The following LGR5 variants were observed in gnomAD, a reference collection of about 807,000 sequenced individuals.
LGR5 encodes the protein leucine rich repeat containing G protein-coupled receptor 5, also known as leucine-rich repeat-containing G protein-coupled receptor 5.
A neutral mutation model predicts 76.7 loss-of-function variants in LGR5; 54 were observed. The observed-to-expected ratio is 0.70, with a 90% CI of 0.57 to 0.88. The LOEUF (loss-of-function observed/expected upper bound fraction) is 0.88, where lower values mean the gene tolerates loss of function less well. LGR5 is among the 40% of genes least tolerant of loss of function. The probability of loss-of-function intolerance (pLI) is 0.00; values close to 1 mark genes in which losing one functional copy is unlikely to be tolerated. For missense variants in LGR5, 1,078 were observed against 1,073.3 expected (o/e 1.00, Z -0.06); for synonymous variants, 406 against 421.9 (o/e 0.96, Z 0.46).
intron 1 of LGR5, chr12:71,441,880 G>C (rs1361319703): frequency 6.6e-6 from 1 of 152,176 alleles, no homozygotes; most frequent in Non-Finnish European, 1.5e-5. Context: ...CTCCTGAACA[G>C]CTATCTCTAC....
chr12:71,553,112 C>T lies in LGR5; in HGVS notation c.468C>T (p.Ser156=). 6.2e-7 allele frequency: 1 copy of T among 1,614,044 alleles called. No homozygotes were observed. Among genetic ancestry groups the T allele is most frequent in the East Asian group, 2.2e-5 (1 of 44,850 alleles). Residue 156 remains serine (S), a synonymous_variant, in exon 5 of 18, where the codon AGC becomes AGT. Transcript: ENST00000266674. ...ACCACATCAGCTATGTGCCCCCAAGCTGTTTCAGTGGCCTGCATTCCCTGA... is the reference window on the plus strand; with the variant it reads ...ACCACATCAGCTATGTGCCCCCAAGTTGTTTCAGTGGCCTGCATTCCCTGA... ...DANHISYVPP[S]CFSGLHSLRH...
chr12:71,466,192 A>G (rs1872855853), intron 1 of LGR5, among the ~76,000 whole-genome samples: 1 of 152,234 alleles, frequency 6.6e-6, no homozygotes, highest in African/African-American at 2.4e-5. Flanking sequence ...TATTTTTAGA[A>G]TAAGGACAAA....
intron 3 of LGR5, among the ~76,000 whole-genome samples, chr12:71,529,186 C>T (rs972940824): frequency 5.3e-5 from 8 of 152,090 alleles, no homozygotes; most frequent in East Asian, 1.9e-4. Flanking sequence ...TATTACATAT[C>T]GTATTAGTCC....
At chr12:71,496,910 G>C (rs904675908) in intron 1 of LGR5, among the ~76,000 whole-genome samples, 1 of 152,184 alleles carries the variant, frequency 6.6e-6, no homozygotes, top group African/African-American at 2.4e-5. Context: ...CAGGAGAATG[G>C]TTACTTTTGG....
rs115771252 is a variant in LGR5, at chr12:71,479,638, G to A, written c.213-24976G>A. On this transcript the variant is annotated intron_variant, in intron 1 of 17. Transcript: ENST00000266674. Reference sequence around the variant, plus strand: ...GACATATTCTATATTGGAAGATCAAGAGGACTTATCTGGGGGGGTGGGGAA... The same window carrying A: ...GACATATTCTATATTGGAAGATCAAAAGGACTTATCTGGGGGGGTGGGGAA... Among the ~76,000 whole-genome samples, 411 of 152,250 alleles carry A rather than the reference G, an allele frequency of 2.7e-3. 3 individuals carry two copies. The highest frequency in any genetic ancestry group is 9.3e-3 in the African/African-American group (385 of 41,540).
chr12:71,564,661 G>A, intron 8 of LGR5, among the ~76,000 whole-genome samples: 1 of 137,758 alleles, frequency 7.3e-6, no homozygotes, highest in African/African-American at 2.7e-5. Context: ...ATACATATAT[G>A]TACACACACT....
intron 2 of LGR5, among the ~76,000 whole-genome samples, chr12:71,520,889 G>A (rs1343942076): frequency 6.6e-6 from 1 of 152,064 alleles, no homozygotes; most frequent in Non-Finnish European, 1.5e-5. Flanking sequence ...TCTCTAGACA[G>A]GCAGGCTAGT....
intron 14 of LGR5, among the ~76,000 whole-genome samples, chr12:71,578,347 TC>T (rs935777637): frequency 2.0e-5 from 3 of 152,084 alleles, no homozygotes; most frequent in Non-Finnish European, 4.4e-5. Context: ...TCCTGTCCCT[TC>T]CCCCCACGCC....
intron 2 of LGR5, among the ~76,000 whole-genome samples, chr12:71,515,750 T>G (rs1212554451): frequency 6.6e-6 from 1 of 152,198 alleles, no homozygotes; most frequent in Non-Finnish European, 1.5e-5. Context: ...AGTTAGAAAA[T>G]AAAGCGGCAA....
intron 1 of LGR5, among the ~76,000 whole-genome samples, chr12:71,493,185 C>A (rs1191063213): frequency 1.3e-5 from 2 of 151,300 alleles, no homozygotes; most frequent in Admixed American, 6.6e-5. Flanking sequence ...CAATAGGGAT[C>A]GTTTCCAGCA....
chr12:71,526,735 A>G (rs899261509), intron 3 of LGR5, among the ~76,000 whole-genome samples: 1 of 152,168 alleles, frequency 6.6e-6, no homozygotes. Flanking sequence ...CTGTGAAACT[A>G]CAGAGGTTGG....
intron 1 of LGR5, among the ~76,000 whole-genome samples, chr12:71,469,498 G>A (rs9783470): frequency 0.078 from 11,911 of 152,326 alleles, 669 homozygotes; most frequent in African/African-American, 0.16. Context: ...CGGTTCAGGA[G>A]CAGCACGCTC....
At chr12:71,542,877 A>G (rs1441974401) in intron 4 of LGR5, among the ~76,000 whole-genome samples, 1 of 152,162 alleles carries the variant, frequency 6.6e-6, no homozygotes, top group South Asian at 2.1e-4. Flanking sequence ...AAAGAAAAAA[A>G]AAAAGTAAAA....
At chr12:71,454,494 C>T (rs1444492498) in intron 1 of LGR5, among the ~76,000 whole-genome samples, 1 of 152,096 alleles carries the variant, frequency 6.6e-6, no homozygotes, top group African/African-American at 2.4e-5. Flanking sequence ...GAGGATCTCT[C>T]TCAGACAAAG....
chr12:71,446,705 T>C (rs1261023464), intron 1 of LGR5, among the ~76,000 whole-genome samples: 2 of 152,368 alleles, frequency 1.3e-5, no homozygotes, highest in African/African-American at 2.4e-5. Flanking sequence ...GGCCCATTTT[T>C]CTTTTCAGGA....
At chr12:71,506,145 T>C (rs934874780) in intron 2 of LGR5, among the ~76,000 whole-genome samples, 3 of 152,168 alleles carry the variant, frequency 2.0e-5, no homozygotes, top group African/African-American at 7.2e-5. Context: ...TTTTCAAACA[T>C]CAGAATTTTA....
intron 1 of LGR5, among the ~76,000 whole-genome samples, chr12:71,480,402 G>A (rs954673596): frequency 9.3e-5 from 14 of 150,998 alleles, no homozygotes; most frequent in African/African-American, 3.4e-4. Flanking sequence ...CAAGTGGGAT[G>A]AAGCAGGCAG....
rs375999240 is a variant in LGR5 at position 71,524,491 on chromosome 12, G to A, written c.356+14G>A. 11 of 1,578,686 alleles carry A rather than the reference G, an allele frequency of 7.0e-6. No individual in the cohort carries two copies. Among genetic ancestry groups the A allele is most frequent in the Non-Finnish European group, 8.7e-6 (10 of 1,148,510 alleles). On this transcript the variant is annotated intron_variant, in intron 3 of 17. Transcript: ENST00000266674. ...TCTTAAAGTTCTGTAAGTAAACTGA[G>A]TGTTGTTGGATATATTTCTGATTTT...
In LGR5 at chr12:71,501,093, G is replaced by T. The variant is rs190843883; in HGVS notation, c.213-3521G>T. Among the ~76,000 whole-genome samples the T allele has an allele frequency of 4.7e-3, 723 of 152,224 alleles. 9 individuals carry two copies. Among genetic ancestry groups the T allele is most frequent in the African/African-American group, 0.017 (686 of 41,528 alleles). ...GGGCAAGATATGTTTTAAAAAAACA[G>T]AGCATTTTAAAATCATTACTTAAAG... is the stretch of plus-strand genomic sequence containing the variant. On this transcript the variant is annotated intron_variant, in intron 1 of 17. Transcript: ENST00000266674.
Sources: gnomAD v4.1 joint callset for allele counts (sites outside exome capture counted in the v4.1 genomes callset) on GRCh38, gnomAD v4.1.1 for gene constraint, MANE v1.5 for transcripts, NCBI Gene and HGNC (gene_info 2026-07-23, HGNC 2026-07-21) for gene names.